The following MAP3K20 variants were observed in gnomAD, a reference collection of about 807,000 sequenced individuals.
MAP3K20 encodes the protein HCCS-4.
A neutral mutation model predicts 85.7 loss-of-function variants in MAP3K20; 40 were observed. That is an observed-to-expected ratio of 0.47 (90% CI 0.36 to 0.61). The LOEUF is 0.61. MAP3K20 is among the 20% of genes least tolerant of loss of function. MAP3K20 has a pLI of 0.00. For synonymous variants in MAP3K20, 325 were observed against 327.7 expected (o/e 0.99, Z 0.09); for missense variants, 817 against 961.7 (o/e 0.85, Z 1.99).
At chr2:173,256,168 T>C (rs1272214824) in intron 16 of MAP3K20, among the ~76,000 whole-genome samples, 4 of 152,362 alleles carry the variant, frequency 2.6e-5, no homozygotes, top group South Asian at 2.1e-4. Context: ...CAGCTTCCTG[T>C]TGAAGCCGAC....
chr2:173,226,795 AAAT>A (rs1378535531), intron 11 of MAP3K20: 19 of 983,490 alleles, frequency 1.9e-5, no homozygotes, highest in Non-Finnish European at 2.3e-5. Flanking sequence ...TTTTTGTACT[AAAT>A]AATAGAAAAT....
chr2:173,137,618 G>T (rs1022586911), intron 2 of MAP3K20, among the ~76,000 whole-genome samples: 4 of 151,478 alleles, frequency 2.6e-5, no homozygotes, highest in Non-Finnish European at 4.4e-5. Context: ...CCTTTTTCCT[G>T]TGAATAGGTA....
chr2:173,083,689 C>T (rs1687069779), intron 1 of MAP3K20, among the ~76,000 whole-genome samples: 1 of 152,096 alleles, frequency 6.6e-6, no homozygotes, highest in Non-Finnish European at 1.5e-5. Context: ...AACAGTGATT[C>T]CAAGTGGTGT....
chr2:173,151,322 C>T (rs1251938038), intron 2 of MAP3K20, among the ~76,000 whole-genome samples: 1 of 152,170 alleles, frequency 6.6e-6, no homozygotes, highest in African/African-American at 2.4e-5. Context: ...CTGAGCCCCA[C>T]CCTATACCAG....
intron 11 of MAP3K20, among the ~76,000 whole-genome samples, chr2:173,220,487 A>G (rs978219590): frequency 2.0e-5 from 3 of 152,208 alleles, no homozygotes; most frequent in South Asian, 2.1e-4. Context: ...TAAATGTGAG[A>G]CAGAATCTAG....
chr2:173,120,175 G>A (rs1435691225), intron 2 of MAP3K20, among the ~76,000 whole-genome samples: 6 of 152,098 alleles, frequency 3.9e-5, no homozygotes, highest in Non-Finnish European at 7.4e-5. Context: ...CATGATCTCT[G>A]ACTTCCTTCT....
intron 2 of MAP3K20, among the ~76,000 whole-genome samples, chr2:173,149,704 A>C (rs1689245053): frequency 6.6e-6 from 1 of 152,154 alleles, no homozygotes; most frequent in Non-Finnish European, 1.5e-5. Context: ...CTTAGGAAGA[A>C]TGCACTGCTT....
intron 1 of MAP3K20, among the ~76,000 whole-genome samples, chr2:173,082,325 A>G (rs1687034669): frequency 1.3e-5 from 2 of 152,198 alleles, no homozygotes; most frequent in Non-Finnish European, 2.9e-5. Context: ...CCTCTTGATC[A>G]TCAAAACATA....
chr2:173,159,582 G>A (rs1241280084), intron 2 of MAP3K20, among the ~76,000 whole-genome samples: 3 of 151,992 alleles, frequency 2.0e-5, no homozygotes, highest in Non-Finnish European at 1.5e-5. Context: ...TAGAGATAGG[G>A]TCTCACTATG....
At chr2:173,167,047 G>A (rs1042130910) in intron 2 of MAP3K20, among the ~76,000 whole-genome samples, 39 of 151,568 alleles carry the variant, frequency 2.6e-4, no homozygotes, top group Admixed American at 9.9e-4. Context: ...CGAGTAGCTG[G>A]GACTACAGGC....
intron 12 of MAP3K20, among the ~76,000 whole-genome samples, chr2:173,230,083 C>T (rs1178432077): frequency 1.2e-4 from 18 of 152,168 alleles, no homozygotes; most frequent in South Asian, 2.1e-4. Flanking sequence ...GTGCCCGCCT[C>T]AGCCTCCCAA....
chr2:173,132,458 T>C (rs892132301), intron 2 of MAP3K20, among the ~76,000 whole-genome samples: 3 of 152,174 alleles, frequency 2.0e-5, no homozygotes, highest in Non-Finnish European at 2.9e-5. Flanking sequence ...TTTTTCGGAC[T>C]CCAGCTGAAA....
Position 173,263,835 on chromosome 2 carries a change from C to T in MAP3K20, c.1642C>T (p.Leu548Phe), listed in dbSNP as rs754495299. The stretch of plus-strand genomic sequence containing the variant: ...TCAGGATGAAGTGAAAGCAGTCCAA[C>T]TTGCCATTCAGACATTATTCACCAA... ...KPQDEVKAVQ[L>F]AIQTLFTNSD... Residue 548 changes from leucine (L) to phenylalanine (F), a missense_variant, in exon 19 of 20, where the codon CTT becomes TTT. Leu to Phe is a conservative substitution (Grantham distance 22). Coordinates refer to ENST00000375213, the MANE Select transcript of MAP3K20 (RefSeq NM_016653.3). 2.5e-6 allele frequency: 4 copies of T among 1,613,592 alleles called. No homozygotes were observed. Among genetic ancestry groups the T allele is most frequent in the Non-Finnish European group, 1.7e-6 (2 of 1,179,888 alleles).
chr2:173,241,368 T>C (rs1684780101), intron 16 of MAP3K20, among the ~76,000 whole-genome samples: 1 of 152,136 alleles, frequency 6.6e-6, no homozygotes, highest in Admixed American at 6.5e-5. Context: ...GTCCCAGCAC[T>C]TTGGGAGGCT....
chr2:173,115,375 G>A (rs1445948291), intron 2 of MAP3K20, among the ~76,000 whole-genome samples: 1 of 152,102 alleles, frequency 6.6e-6, no homozygotes, highest in Non-Finnish European at 1.5e-5. Context: ...TCCCTGATTA[G>A]CTATTTAATA....
chr2:173,226,111 C>CTAAA, intron 11 of MAP3K20: 1 of 981,426 alleles, frequency 1.0e-6, no homozygotes, highest in Non-Finnish European at 1.2e-6. Flanking sequence ...TGATTTTTAA[C>CTAAA]GTGCAGTGAA....
chr2:173,210,548 A>AACTTGATATCAT (rs1252315617), intron 10 of MAP3K20: 2 of 152,140 alleles, frequency 1.3e-5, no homozygotes, highest in Non-Finnish European at 2.9e-5. Context: ...CTTAAAAGAA[A>AACTTGATATCAT]ACTTGATATC....
At position 173,252,220 on chromosome 2, in the gene MAP3K20, T is replaced by A. The variant is rs1685055947; in HGVS notation, c.1360-6479T>A. On this transcript the variant is annotated intron_variant, in intron 16 of 19. Transcript: ENST00000375213. ...GTACTAGCTTGGAACTCTAAAAAAA[T>A]TTAAACAGCTTGCAGAGAGTGTAAT... 2.0e-5 allele frequency among the ~76,000 whole-genome samples: 3 copies of A among 152,220 alleles called. No homozygotes were observed. The South Asian group carries it at 6.2e-4, about 32-fold the overall frequency.
intron 18 of MAP3K20, 99 bp from the exon 19 acceptor site, chr2:173,263,646 C>T: frequency 1.7e-6 from 2 of 1,193,236 alleles, no homozygotes; most frequent in South Asian, 1.4e-5. Context: ...GATATAATAA[C>T]CTGGATGACT....
Sources: gnomAD v4.1 joint callset for allele counts (sites outside exome capture counted in the v4.1 genomes callset) on GRCh38, gnomAD v4.1.1 for gene constraint, MANE v1.5 for transcripts, NCBI Gene and HGNC (gene_info 2026-07-23, HGNC 2026-07-21) for gene names.